Variants in ZNF695 observed in about 807,000 individuals in gnomAD.
ZNF695 encodes the protein zinc finger protein SBZF3.
Under a neutral mutation model 11.2 loss-of-function variants are expected in ZNF695, and 11 were observed. The ratio of observed to expected loss-of-function variants is 0.98; its 90% confidence interval spans 0.62 to 1.62. The LOEUF (loss-of-function observed/expected upper bound fraction) is 1.62, where lower values mean the gene tolerates loss of function less well. Among genes scored for constraint, ZNF695 ranks in the 40% most tolerant of loss-of-function variants. The pLI is 0.00. For synonymous variants in ZNF695, 190 were observed against 201.4 expected, an observed-to-expected ratio of 0.94 and a Z score of 0.48; for missense variants, 559 against 590.5, an observed-to-expected ratio of 0.95 and a Z score of 0.55.
intron 1 of ZNF695, among the ~76,000 whole-genome samples, chr1:247,005,607 G>A (rs757217417): frequency 6.6e-6 from 1 of 152,004 alleles, no homozygotes; most frequent in Admixed American, 6.6e-5. Context: ...CAGTTTACTC[G>A]GGAGGCTGAG....
intron 3 of ZNF695, among the ~76,000 whole-genome samples, chr1:246,991,555 A>C (rs1236753911): frequency 6.6e-6 from 1 of 152,210 alleles, no homozygotes; most frequent in Non-Finnish European, 1.5e-5. Context: ...AGGGAAATGC[A>C]AATCAAAACT....
intron 4 of ZNF695, among the ~76,000 whole-genome samples, chr1:246,977,931 A>T (rs1426840837): frequency 1.3e-5 from 2 of 152,192 alleles, no homozygotes; most frequent in African/African-American, 2.4e-5. Flanking sequence ...CAATTGAATC[A>T]CATTCCAAAC....
Position 246,987,406 on chromosome 1 carries a change from T to C in ZNF695, c.1109A>G (p.His370Arg). Residue 370 changes from histidine (H) to arginine (R), a missense_variant, in exon 4 of 4, where the codon CAT (histidine) becomes CGT (arginine). Coordinates refer to ENST00000339986, the MANE Select transcript of ZNF695 (RefSeq NM_020394.5). ...AFNQSSHLTE[H>R]RRIHTGEKPY... Reference sequence around the variant, plus strand: ...TTTCTCACCAGTATGAATTCTCCTATGTTCAGTCAGATGTGAGCTCTGGTT... The same window carrying C: ...TTTCTCACCAGTATGAATTCTCCTACGTTCAGTCAGATGTGAGCTCTGGTT... 1 of 1,612,472 alleles carries C rather than the reference T, an allele frequency of 6.2e-7. No homozygotes were observed. The highest frequency in any genetic ancestry group is 1.1e-5 in the South Asian group (1 of 90,820).
chr1:246,995,302 C>A (rs1229006010), intron 3 of ZNF695, among the ~76,000 whole-genome samples: 1 of 152,148 alleles, frequency 6.6e-6, no homozygotes, highest in African/African-American at 2.4e-5. Context: ...TACGGAAGTT[C>A]AACAACACAC....
chr1:246,973,868 T>C (rs558810756), intron 4 of ZNF695, among the ~76,000 whole-genome samples: 10 of 152,204 alleles, frequency 6.6e-5, no homozygotes, highest in Non-Finnish European at 1.5e-4. Context: ...CCCACCCATG[T>C]AGGCACTCAA....
Position 246,986,556 on chromosome 1 carries a change from T to C in ZNF695, c.*411A>G, listed in dbSNP as rs1668852819. On this transcript the variant is annotated 3_prime_UTR_variant, in exon 4 of 4. Transcript: ENST00000339986. ...TTTTGATGTAATTTTTGATTAGACA[T>C]TTTTTCACATTTACTGCATCTGTAA... 1.2e-5 allele frequency: 12 copies of C among 992,680 alleles called. No homozygotes were observed. Among genetic ancestry groups the C allele is most frequent in the Non-Finnish European group, 1.3e-5 (11 of 835,014 alleles). The allele number at this position is 992,680 out of a possible 1,614,324, so 61.5% of individuals were successfully genotyped here.
intron 5 of ZNF695, among the ~76,000 whole-genome samples, chr1:246,951,274 G>A (rs911534384): frequency 2.6e-4 from 39 of 152,236 alleles, no homozygotes; most frequent in South Asian, 2.1e-4. Flanking sequence ...GACCTTTTTC[G>A]GAAATAGAGG....
intron 4 of ZNF695, among the ~76,000 whole-genome samples, chr1:246,979,526 C>T (rs556993063): frequency 7.9e-5 from 12 of 152,170 alleles, no homozygotes; most frequent in African/African-American, 2.9e-4. Context: ...CTTCAGCTCT[C>T]CTCTTCTTTC....
chr1:246,948,916 G>T (rs892548571), intron 5 of ZNF695, among the ~76,000 whole-genome samples: 1 of 152,140 alleles, frequency 6.6e-6, no homozygotes, highest in African/African-American at 2.4e-5. Flanking sequence ...TCACAGAGCT[G>T]TTCTGAGAAC....
In ZNF695 at chr1:246,996,178, T is replaced by A. The variant is rs140277704; in HGVS notation, c.259+3170A>T. On this transcript the variant is annotated intron_variant, in intron 3 of 3. Transcript: ENST00000339986. ...CTGGCCAACATGGCGAAACCTCGTC[T>A]CTACTAAAAATACAAAAAAAAAAGA... The A allele has an allele frequency of 2.8e-3, 944 of 342,536 alleles. 11 individuals carry two copies. The highest frequency in any genetic ancestry group is 0.02 in the African/African-American group (885 of 43,802). 21.2% of individuals were successfully genotyped at this position (342,536 alleles called of 1,614,324 possible). A position where few individuals can be genotyped will look rare whatever the true frequency, so the allele number is the denominator to read the frequency against.
At chr1:247,007,706 G>A (rs1292507862) in intron 1 of ZNF695, among the ~76,000 whole-genome samples, 200 bp downstream of exon 1, 1 of 152,028 alleles carries the variant, frequency 6.6e-6, no homozygotes, top group African/African-American at 2.4e-5. Flanking sequence ...CAGTCACCCA[G>A]CGGCCGGGAT....
intron 5 of ZNF695, among the ~76,000 whole-genome samples, chr1:246,957,658 A>G (rs973931626): frequency 1.3e-5 from 2 of 151,942 alleles, no homozygotes; most frequent in Non-Finnish European, 2.9e-5. Context: ...TTTTTGAGAT[A>G]GGGTGTCACT....
intron 1 of ZNF695, among the ~76,000 whole-genome samples, chr1:247,006,140 G>T (rs543995997): frequency 6.6e-6 from 1 of 151,118 alleles, no homozygotes. Flanking sequence ...CAGGAGTATC[G>T]CTTGAACCCG....
chr1:246,988,527 C>T (rs965102236), intron 3 of ZNF695, among the ~76,000 whole-genome samples: 2 of 151,930 alleles, frequency 1.3e-5, no homozygotes, highest in Non-Finnish European at 2.9e-5. Flanking sequence ...ACTTACAGGC[C>T]AGGAGAGAGT....
chr1:246,985,625 A>T lies in ZNF695; in HGVS notation c.*1342T>A. 1 of 985,408 alleles carries T rather than the reference A, an allele frequency of 1.0e-6. No homozygotes were observed. Among genetic ancestry groups the T allele is most frequent in the Non-Finnish European group, 1.2e-6 (1 of 829,886 alleles). The allele number at this position is 985,408 out of a possible 1,614,324, so 61.0% of individuals were successfully genotyped here. ...ATTAAAACAATGTCTTATTAAAACA[A>T]ATTAAGTTCAAACAGTCTAAAAAGA... On this transcript the variant is annotated 3_prime_UTR_variant, in exon 4 of 4. Coordinates refer to ENST00000339986, the MANE Select transcript of ZNF695 (RefSeq NM_020394.5).
chr1:246,965,726 C>T (rs993086757), intron 5 of ZNF695, among the ~76,000 whole-genome samples: 1 of 151,292 alleles, frequency 6.6e-6, no homozygotes, highest in Non-Finnish European at 1.5e-5. Context: ...TGAGATCGTG[C>T]CACCAGCCTG....
chr1:246,996,402 T>C (rs1276486465), intron 3 of ZNF695, among the ~76,000 whole-genome samples: 1 of 151,646 alleles, frequency 6.6e-6, no homozygotes, highest in African/African-American at 2.4e-5. Context: ...AATCGAGATG[T>C]CTCAAAAAAC....
In ZNF695 at chr1:246,985,639, A is replaced by C. The variant is rs939400650; in HGVS notation, c.*1328T>G. ...TTATTAAAACAAATTAAGTTCAAAC[A>C]GTCTAAAAAGAGCATTTCAAAATCC... On this transcript the variant is annotated 3_prime_UTR_variant, in exon 4 of 4. Transcript: ENST00000339986. 6.2e-5 allele frequency: 61 copies of C among 985,330 alleles called. No homozygotes were observed. The highest frequency in any genetic ancestry group is 5.2e-4 in the Middle Eastern group (1 of 1,936). The allele number at this position is 985,330 out of a possible 1,614,324, so 61.0% of individuals were successfully genotyped here.
intron 5 of ZNF695, among the ~76,000 whole-genome samples, chr1:246,955,291 C>A (rs954167982): frequency 6.6e-6 from 1 of 152,168 alleles, no homozygotes; most frequent in Non-Finnish European, 1.5e-5. Flanking sequence ...GGCTACAAAC[C>A]TGTACAGCAT....
Sources: allele counts gnomAD v4.1 joint callset (sites outside exome capture counted in the v4.1 genomes callset), GRCh38; gene constraint gnomAD v4.1.1; transcripts MANE v1.5; gene names NCBI Gene and HGNC (gene_info 2026-07-23, HGNC 2026-07-21).